The following CFAP96 variants were observed in gnomAD, a reference collection of about 807,000 sequenced individuals.
The protein encoded by CFAP96 is cilia and flagella associated protein 96.
At chr4:185,415,243 A>C in the CFAP96 span, 2 of 1,604,430 alleles carry the variant, frequency 1.2e-6, no homozygotes, top group Non-Finnish European at 1.7e-6. Flanking sequence ...TAAAAAGTGC[A>C]GTGGTTCAGG....
the CFAP96 span, chr4:185,445,255 C>T: frequency 4.8e-5 from 41 of 859,322 alleles, no homozygotes; most frequent in Non-Finnish European, 6.5e-5. Context: ...TGACTTTAGA[C>T]ATCTCAGCTC....
chr4:185,439,838 CATAT>C, the CFAP96 span, among the ~76,000 whole-genome samples: 7 of 147,138 alleles, frequency 4.8e-5, no homozygotes, highest in Non-Finnish European at 8.9e-5. Flanking sequence ...TACATAATCT[CATAT>C]ATACATATAA....
chr4:185,418,505 A>G, the CFAP96 span: 1 of 1,611,578 alleles, frequency 6.2e-7, no homozygotes, highest in Non-Finnish European at 8.5e-7. Flanking sequence ...TTCTGGCTCA[A>G]ATCTAAATTT....
chr4:185,411,925 A>T, the CFAP96 span, among the ~76,000 whole-genome samples: 1 of 152,232 alleles, frequency 6.6e-6, no homozygotes, highest in African/African-American at 2.4e-5. Context: ...TAAAAGCGAC[A>T]TTGCTGAGAT....
the CFAP96 span, chr4:185,426,220 T>C: frequency 3.1e-6 from 1 of 322,224 alleles, no homozygotes; most frequent in Non-Finnish European, 5.9e-6. Context: ...GGGCAACACA[T>C]CACACAATAA....
chr4:185,432,903 T>C, the CFAP96 span, among the ~76,000 whole-genome samples: 1 of 151,750 alleles, frequency 6.6e-6, no homozygotes, highest in Non-Finnish European at 1.5e-5. Flanking sequence ...TTTTTTGTTG[T>C]TTTTTGAGAC....
chr4:185,439,792 A>G, the CFAP96 span, among the ~76,000 whole-genome samples: 1 of 84,322 alleles, frequency 1.2e-5, no homozygotes, highest in Non-Finnish European at 2.6e-5. Context: ...ATATATATGT[A>G]TATGTAAGAT....
chr4:185,424,984 CATTCCAGG>C, the CFAP96 span, among the ~76,000 whole-genome samples: 1 of 152,166 alleles, frequency 6.6e-6, no homozygotes, highest in East Asian at 1.9e-4. Flanking sequence ...TGCAATAGCC[CATTCCAGG>C]CAGGGCCATC....
the CFAP96 span, among the ~76,000 whole-genome samples, chr4:185,420,275 AAT>A: frequency 3.3e-4 from 50 of 152,306 alleles, 1 homozygote; most frequent in African/African-American, 1.1e-3. Flanking sequence ...CTTTTTAAAA[AAT>A]ATGTTTGAAT....
At chr4:185,447,327 G>A in the CFAP96 span, among the ~76,000 whole-genome samples, 19 of 151,782 alleles carry the variant, frequency 1.3e-4, no homozygotes, top group Middle Eastern at 3.2e-3. Context: ...GACTACAGGC[G>A]CCCGCCACCA....
the CFAP96 span, chr4:185,416,055 A>T: frequency 2.3e-6 from 1 of 438,646 alleles, no homozygotes; most frequent in Non-Finnish European, 4.0e-6. Context: ...GTGAATGATC[A>T]ACTGAGATAA....
chr4:185,422,363 T>G, the CFAP96 span: 2 of 753,724 alleles, frequency 2.7e-6, no homozygotes, highest in Non-Finnish European at 4.4e-6. Context: ...TTTAATGTAC[T>G]TACTAACAAT....
the CFAP96 span, chr4:185,415,400 A>T: frequency 7.0e-7 from 1 of 1,428,264 alleles, no homozygotes; most frequent in South Asian, 1.5e-5. Flanking sequence ...GACTACAATA[A>T]AGAAAAGTAC....
the CFAP96 span, among the ~76,000 whole-genome samples, chr4:185,431,485 T>C: frequency 6.6e-6 from 1 of 152,240 alleles, no homozygotes; most frequent in African/African-American, 2.4e-5. Context: ...TTTTGATTAT[T>C]ATGAATAAAA....
At chr4:185,446,681 T>C in the CFAP96 span, among the ~76,000 whole-genome samples, 2 of 151,106 alleles carry the variant, frequency 1.3e-5, no homozygotes, top group African/African-American at 4.9e-5. Flanking sequence ...AAATTTTAAA[T>C]GTTATATAGT....
the CFAP96 span, chr4:185,429,287 T>G: frequency 2.0e-6 from 1 of 503,548 alleles, no homozygotes; most frequent in African/African-American, 3.8e-5. Context: ...TAGTAACCAC[T>G]TTTTTCTAAA....
chr4:185,420,324 T>C, the CFAP96 span, among the ~76,000 whole-genome samples: 7 of 152,194 alleles, frequency 4.6e-5, no homozygotes, highest in African/African-American at 1.7e-4. Context: ...TTTTTGAATA[T>C]TTGACACATT....
chr4:185,429,502 C>G, the CFAP96 span: 7 of 1,518,932 alleles, frequency 4.6e-6, no homozygotes, highest in African/African-American at 2.8e-5. Flanking sequence ...ATATGTGTCA[C>G]AATTTAATCG....
the CFAP96 span, among the ~76,000 whole-genome samples, chr4:185,413,272 C>T: frequency 6.6e-6 from 1 of 152,010 alleles, no homozygotes; most frequent in African/African-American, 2.4e-5. Flanking sequence ...CCTGTAACCC[C>T]AGCTGCTCAG....
Sources: allele counts gnomAD v4.1 joint callset (sites outside exome capture counted in the v4.1 genomes callset), GRCh38; gene constraint gnomAD v4.1.1; transcripts MANE v1.5; gene names NCBI Gene and HGNC (gene_info 2026-07-23, HGNC 2026-07-21).